The following RYR3 variants were observed in gnomAD, a reference collection of about 807,000 sequenced individuals.
RYR3 encodes the protein ryanodine receptor 3, also known as brain ryanodine receptor-calcium release channel.
In RYR3, 207 loss-of-function variants were observed where a neutral mutation model predicts 584.3. The observed-to-expected ratio is 0.35, with a 90% CI of 0.32 to 0.40. The LOEUF (loss-of-function observed/expected upper bound fraction) is 0.40. RYR3 is among the 10% of genes least tolerant of loss of function. RYR3 has a pLI of 1.00. For missense variants in RYR3, 5,616 were observed against 6,089.2 expected, an observed-to-expected ratio of 0.92 and a Z score of 2.59; for synonymous variants, 2,416 against 2,248.5, an observed-to-expected ratio of 1.07 and a Z score of -2.11.
rs1596263413 is a variant in RYR3 at position 33,465,400 on chromosome 15, T to G, written c.52-8019T>G. Among the ~76,000 whole-genome samples the G allele has an allele frequency of 3.9e-5, 6 of 152,268 alleles. No individual in the cohort carries two copies. The South Asian group carries it at 1.2e-3, about 32-fold the overall frequency. On this transcript the variant is annotated intron_variant, in intron 1 of 103. Coordinates refer to ENST00000634891, the MANE Select transcript of RYR3 (RefSeq NM_001036.6). ...CCGTAACTTCTGTACCAATTTCCAG[T>G]CCCACCCAGGGAATGGTTTTCAGTG...
intron 38 of RYR3, among the ~76,000 whole-genome samples, chr15:33,684,787 G>A (rs1280231786): frequency 6.6e-6 from 1 of 152,164 alleles, no homozygotes; most frequent in African/African-American, 2.4e-5. Context: ...AGAGGGTGGG[G>A]GCCAATATTC....
Position 33,750,366 on chromosome 15 carries a change from C to T in RYR3, c.8399+80C>T, listed in dbSNP as rs1321376219. 2.9e-6 allele frequency: 4 copies of T among 1,402,862 alleles called. No individual in the cohort carries two copies. In the East Asian group the frequency reaches 7.1e-5, roughly 25 times the overall value. The allele number at this position is 1,402,862 out of a possible 1,614,324, so 86.9% of individuals were successfully genotyped here. ...TTAATTACGTGCCTACAAAACCCATCCAAGTAAGGAGAACAATTGAGTCTT... is the reference window on the plus strand; with the variant it reads ...TTAATTACGTGCCTACAAAACCCATTCAAGTAAGGAGAACAATTGAGTCTT... On this transcript the variant is annotated intron_variant, in intron 57 of 103. Transcript: ENST00000634891.
intron 1 of RYR3, among the ~76,000 whole-genome samples, chr15:33,377,543 G>A (rs1279256365): frequency 6.6e-6 from 1 of 152,232 alleles, no homozygotes; most frequent in African/African-American, 2.4e-5. Flanking sequence ...TGGGATTGGA[G>A]CAAGTTAGAG....
intron 16 of RYR3, among the ~76,000 whole-genome samples, chr15:33,588,023 T>C (rs991927391): frequency 3.3e-5 from 5 of 152,226 alleles, no homozygotes; most frequent in African/African-American, 1.2e-4. Flanking sequence ...ACTCAAAATA[T>C]GCAGAATTTT....
At chr15:33,411,238 C>G (rs2043384296) in intron 1 of RYR3, among the ~76,000 whole-genome samples, 1 of 152,128 alleles carries the variant, frequency 6.6e-6, no homozygotes, top group African/African-American at 2.4e-5. Context: ...CTTGCTGAGC[C>G]CCTGAGAAAA....
chr15:33,736,461 C>A, intron 49 of RYR3, 136 bp downstream of exon 49: 1 of 585,772 alleles, frequency 1.7e-6, no homozygotes. Flanking sequence ...GGTTAGCTAA[C>A]AAGATAGATC....
At chr15:33,380,839 C>G (rs1595907940) in intron 1 of RYR3, among the ~76,000 whole-genome samples, 1 of 152,216 alleles carries the variant, frequency 6.6e-6, no homozygotes, top group African/African-American at 2.4e-5. Flanking sequence ...CTCCTCGGTT[C>G]TTCTGATTTT....
intron 92 of RYR3, 27 bp from the exon 93 acceptor site, chr15:33,844,835 A>C: frequency 6.2e-7 from 1 of 1,601,050 alleles, no homozygotes; most frequent in Non-Finnish European, 8.5e-7. Context: ...TTTGATGTTT[A>C]ATAAGCGAGT....
rs1056952897 is a variant in RYR3, at chr15:33,311,172, C to G, written c.51+76C>G. 8.6e-7 allele frequency: 1 copy of G among 1,159,986 alleles called. No homozygotes were observed. The highest frequency in any genetic ancestry group is 3.0e-5 in the East Asian group (1 of 32,854). The allele number at this position is 1,159,986 out of a possible 1,614,324, so 71.9% of individuals were successfully genotyped here. A position where few individuals can be genotyped will look rare whatever the true frequency, so the allele number is the denominator to read the frequency against. ...GAGCGCGGCGAGGAGGGGCTGGCTG[C>G]GCTGCGCCGCGGTGCCGGGTGCCCG... On this transcript the variant is annotated intron_variant, in intron 1 of 103. Coordinates refer to ENST00000634891, the MANE Select transcript of RYR3 (RefSeq NM_001036.6). This position sits in a 1 kb window ranked among gnomAD's most constrained non-coding sequence, Gnocchi z 4.4.
At chr15:33,855,627 GCCAATATTTCT>G in intron 98 of RYR3, among the ~76,000 whole-genome samples, 1 of 1,558 alleles carries the variant, frequency 6.4e-4, no homozygotes, top group South Asian at 0.024. Context: ...CCAATTAAGA[GCCAATATTTCT>G]GATATCTGCA....
chr15:33,831,048 C>G lies in RYR3; in HGVS notation c.11420C>G (p.Ala3807Gly). 6.2e-7 allele frequency: 1 copy of G among 1,613,662 alleles called. No homozygotes were observed. Among genetic ancestry groups the G allele is most frequent in the South Asian group, 1.1e-5 (1 of 91,072 alleles). The change falls in exon 86 of 104, where the codon GCA becomes GGA. Residue 3807 changes from alanine to glycine, a missense_variant. This residue lies in a region of RYR3 where 954 missense variants were observed against 1,132.2 expected (regional missense o/e 0.84). Transcript: ENST00000634891. ...CAGCACAATTTTTCCAAAGCTCTGG[C>G]AGTCACCAAGCAGATTTTCAATTCT... Reference protein sequence around the residue: ...SGQHNFSKALAVTKQIFNSLT... With the variant: ...SGQHNFSKALGVTKQIFNSLT...
At chr15:33,543,294 C>T (rs561805955) in intron 7 of RYR3, among the ~76,000 whole-genome samples, 1 of 152,214 alleles carries the variant, frequency 6.6e-6, no homozygotes, top group Admixed American at 6.5e-5. Context: ...GTACTTACAT[C>T]CTAAGCAACT....
At chr15:33,528,234 T>G (rs1007375290) in intron 3 of RYR3, among the ~76,000 whole-genome samples, 13 of 152,110 alleles carry the variant, frequency 8.5e-5, no homozygotes, top group African/African-American at 2.2e-4. Flanking sequence ...ACTGAGCCAG[T>G]CAGTCTGAGC....
intron 1 of RYR3, among the ~76,000 whole-genome samples, chr15:33,392,409 G>A (rs1002084160): frequency 1.3e-5 from 2 of 151,598 alleles, no homozygotes; most frequent in African/African-American, 4.8e-5. Flanking sequence ...TAGGGAAGTG[G>A]GGAAGTGAGG....
At chr15:33,817,257 C>T (rs935868631) in intron 75 of RYR3, among the ~76,000 whole-genome samples, 1 of 152,186 alleles carries the variant, frequency 6.6e-6, no homozygotes, top group Admixed American at 6.5e-5. Flanking sequence ...GTTTTGAGCA[C>T]CACTGGTTGC....
intron 1 of RYR3, among the ~76,000 whole-genome samples, chr15:33,336,432 AAGAAAGAAAGAGAGAGAG>A (rs1320604756): frequency 9.3e-5 from 2 of 21,560 alleles, no homozygotes; most frequent in South Asian, 1.9e-3. Context: ...GAAAGAAAGA[AAGAAAGAAAGAGAGAGAG>A]AGAGAGAGAG....
At chr15:33,537,140 G>A (rs994964278) in intron 5 of RYR3, among the ~76,000 whole-genome samples, 2 of 152,194 alleles carry the variant, frequency 1.3e-5, no homozygotes, top group East Asian at 1.9e-4. Flanking sequence ...TTTTCCAATA[G>A]TTAATAACTG....
chr15:33,519,522 G>A (rs1261847209), intron 3 of RYR3, among the ~76,000 whole-genome samples: 2 of 152,096 alleles, frequency 1.3e-5, no homozygotes, highest in Admixed American at 6.5e-5. Context: ...TCCTGGAGGG[G>A]TGACTGTCAA....
In RYR3 at chr15:33,696,196, C is replaced by A. The variant is rs751523803; in HGVS notation, c.5861-22C>A. ...CTGAGCCATGACAGCCACAGTCCTG[C>A]TCCCTCCTGTTGTCCTTCCAGCAAC... On this transcript the variant is annotated intron_variant, in intron 38 of 103. Transcript: ENST00000634891. 6 of 1,607,226 alleles carry A rather than the reference C, an allele frequency of 3.7e-6. No individual in the cohort carries two copies. The South Asian group carries it at 6.7e-5, about 18-fold the overall frequency.
Sources: allele counts gnomAD v4.1 joint callset (sites outside exome capture counted in the v4.1 genomes callset), GRCh38; gene constraint gnomAD v4.1.1; regional missense constraint gnomAD v4.1.1; non-coding constraint Gnocchi (gnomAD v3.1); transcripts MANE v1.5; gene names NCBI Gene and HGNC (gene_info 2026-07-23, HGNC 2026-07-21).